The following SPON1 variants were observed in gnomAD, a reference collection of about 807,000 sequenced individuals.
The protein encoded by SPON1 is spondin-1.
In SPON1, 52 loss-of-function variants were observed where a neutral mutation model predicts 111.7. The observed-to-expected ratio is 0.47, with a 90% CI of 0.37 to 0.59. The LOEUF is 0.59. SPON1 is among the 20% of genes least tolerant of loss of function. The pLI, the probability that SPON1 is intolerant of heterozygous loss-of-function variation, is 0.00. For missense variants in SPON1, 957 were observed against 1,068.5 expected (o/e 0.90, Z 1.46); for synonymous variants, 410 against 395.8 (o/e 1.04, Z -0.43).
chr11:14,127,815 G>A (rs1443382278), intron 5 of SPON1, among the ~76,000 whole-genome samples: 1 of 152,124 alleles, frequency 6.6e-6, no homozygotes, highest in African/African-American at 2.4e-5. Flanking sequence ...TCACAGTTCC[G>A]CATGGCTGGG....
intron 6 of SPON1, among the ~76,000 whole-genome samples, chr11:14,239,546 C>T (rs1052173929): frequency 3.3e-5 from 5 of 152,034 alleles, no homozygotes; most frequent in East Asian, 3.9e-4. Context: ...GGCAATGTGG[C>T]GAAACCCCAT....
At chr11:14,026,554 C>G (rs1848519631) in intron 2 of SPON1, among the ~76,000 whole-genome samples, 1 of 152,180 alleles carries the variant, frequency 6.6e-6, no homozygotes, top group Admixed American at 6.5e-5. Context: ...CTCAGCAGAG[C>G]CTGAGTTTAT....
intron 6 of SPON1, among the ~76,000 whole-genome samples, chr11:14,232,748 T>G (rs2133912828): frequency 6.6e-6 from 1 of 152,324 alleles, no homozygotes; most frequent in Non-Finnish European, 1.5e-5. Context: ...GCTACTGCCA[T>G]TTTTCTCAAC....
intron 2 of SPON1, among the ~76,000 whole-genome samples, chr11:13,991,208 A>G (rs1848227375): frequency 6.6e-6 from 1 of 152,184 alleles, no homozygotes; most frequent in South Asian, 2.1e-4. Context: ...TTTCAGGTAC[A>G]CCCATCAAAC....
intron 5 of SPON1, among the ~76,000 whole-genome samples, chr11:14,110,728 C>T (rs945450951): frequency 3.9e-5 from 6 of 152,196 alleles, no homozygotes; most frequent in Non-Finnish European, 7.3e-5. Context: ...GAGGAGAGGA[C>T]GAGTCTTCCT....
intron 13 of SPON1, among the ~76,000 whole-genome samples, chr11:14,260,113 C>G (rs930458571): frequency 1.2e-4 from 19 of 152,182 alleles, no homozygotes; most frequent in Admixed American, 9.8e-4. Context: ...CATGACCTCC[C>G]CTGCTCTGTG....
chr11:14,110,071 T>C (rs1849216158), intron 5 of SPON1, among the ~76,000 whole-genome samples: 1 of 152,206 alleles, frequency 6.6e-6, no homozygotes, highest in Non-Finnish European at 1.5e-5. Context: ...ACAAAGCAGA[T>C]GCTCCTTCAT....
intron 6 of SPON1, among the ~76,000 whole-genome samples, chr11:14,158,979 G>A (rs1554930653): frequency 7.8e-6 from 1 of 128,154 alleles, no homozygotes; most frequent in East Asian, 2.7e-4. Flanking sequence ...TTCCTCTTAA[G>A]TAATATCTCT....
chr11:14,252,096 G>A (rs1057179839), intron 7 of SPON1, among the ~76,000 whole-genome samples: 1 of 152,212 alleles, frequency 6.6e-6, no homozygotes, highest in Non-Finnish European at 1.5e-5. Flanking sequence ...AGAAGTGGAG[G>A]AGTTCAAGTC....
At chr11:14,196,609 T>C (rs1848405227) in intron 6 of SPON1, among the ~76,000 whole-genome samples, 1 of 152,244 alleles carries the variant, frequency 6.6e-6, no homozygotes, top group Admixed American at 6.5e-5. Context: ...TTCCACTTTC[T>C]CACTTTCACT....
At chr11:13,968,503 G>A (rs1848036898) in intron 1 of SPON1, among the ~76,000 whole-genome samples, 3 of 152,142 alleles carry the variant, frequency 2.0e-5, no homozygotes, top group African/African-American at 7.2e-5. Flanking sequence ...CTCATTAATT[G>A]TGTATTATTA....
At chr11:13,971,951 C>T (rs1881516) in intron 1 of SPON1, among the ~76,000 whole-genome samples, 38,670 of 152,034 alleles carry the variant, frequency 0.25, 5,068 homozygotes, top group South Asian at 0.36. Flanking sequence ...AGTCTGCCTA[C>T]CATGTAACTT....
chr11:14,151,861 T>G (rs1400971771), intron 6 of SPON1, among the ~76,000 whole-genome samples: 1 of 152,188 alleles, frequency 6.6e-6, no homozygotes, highest in African/African-American at 2.4e-5. Flanking sequence ...AACATGTCCT[T>G]TTGACACTGT....
intron 6 of SPON1, among the ~76,000 whole-genome samples, chr11:14,216,641 T>C (rs1248642840): frequency 1.3e-5 from 2 of 152,100 alleles, no homozygotes; most frequent in African/African-American, 4.8e-5. Context: ...AAGTGATTGA[T>C]TACATGAAAC....
At chr11:14,116,683 GATTATTTGGCT>G (rs773671425) in intron 5 of SPON1, among the ~76,000 whole-genome samples, 15 of 151,968 alleles carry the variant, frequency 9.9e-5, no homozygotes, top group Non-Finnish European at 2.1e-4. Flanking sequence ...TCTTCTTCAA[GATTATTTGGCT>G]ATTCTTGGTC....
At chr11:14,164,111 G>A (rs1847999721) in intron 6 of SPON1, among the ~76,000 whole-genome samples, 3 of 152,192 alleles carry the variant, frequency 2.0e-5, no homozygotes, top group Non-Finnish European at 2.9e-5. Flanking sequence ...GAGTGGCCAA[G>A]GCAAAAGAGC....
chr11:14,028,612 A>C (rs1848536197), intron 2 of SPON1, among the ~76,000 whole-genome samples: 1 of 152,202 alleles, frequency 6.6e-6, no homozygotes, highest in Admixed American at 6.5e-5. Context: ...TCAATCACCT[A>C]CTAGGCTCTA....
At chr11:14,161,488 T>G (rs1446180320) in intron 6 of SPON1, among the ~76,000 whole-genome samples, 1 of 150,722 alleles carries the variant, frequency 6.6e-6, no homozygotes, top group Non-Finnish European at 1.5e-5. Context: ...CCAGATAATT[T>G]TTATATTTTT....
At position 14,135,364 on chromosome 11, in the gene SPON1, G is replaced by C; in HGVS notation, c.677-56G>C. ...TACGCATCCTCCCCATCATTTAAGGGACTCGTGTTTCAGCCACAGCCATGC... is the reference window on the plus strand; with the variant it reads ...TACGCATCCTCCCCATCATTTAAGGCACTCGTGTTTCAGCCACAGCCATGC... On this transcript the variant is annotated intron_variant, in intron 5 of 15. Coordinates refer to ENST00000576479, the MANE Select transcript of SPON1 (RefSeq NM_006108.4). The surrounding 1 kb of genome is among the most constrained non-coding windows in gnomAD (Gnocchi z 4.4). 4 of 1,571,922 alleles carry C rather than the reference G, an allele frequency of 2.5e-6. No homozygotes were observed. The highest frequency in any genetic ancestry group is 3.5e-6 in the Non-Finnish European group (4 of 1,153,146).
Sources: gnomAD v4.1 joint callset for allele counts (sites outside exome capture counted in the v4.1 genomes callset) on GRCh38, gnomAD v4.1.1 for gene constraint, Gnocchi (gnomAD v3.1) non-coding constraint, MANE v1.5 for transcripts, NCBI Gene and HGNC (gene_info 2026-07-23, HGNC 2026-07-21) for gene names.